ACSBG2: variants seen among roughly 807,000 people sequenced by gnomAD.
ACSBG2 encodes long-chain-fatty-acid--CoA ligase ACSBG2.
ACSBG2 carries 62 observed loss-of-function variants against 74.7 expected under a neutral mutation model. The ratio of observed to expected loss-of-function variants is 0.83; its 90% CI spans 0.68 to 1.03. ACSBG2 has a LOEUF of 1.03. ACSBG2 is among the 50% of genes least tolerant of loss of function. ACSBG2 has a pLI of 0.00. For missense variants in ACSBG2, 730 were observed against 817.6 expected (o/e 0.89, Z 1.31); for synonymous variants, 309 against 294.1 (o/e 1.05, Z -0.52).
chr19:6,145,659 G>A lies in ACSBG2; in HGVS notation c.68-1787G>A, dbSNP rs113883354. Among the ~76,000 whole-genome samples, 658 of 152,248 alleles carry A rather than the reference G, an allele frequency of 4.3e-3. 4 individuals carry two copies. The highest frequency in any genetic ancestry group is 8.3e-3 in the Non-Finnish European group (564 of 68,022). On this transcript the variant is annotated intron_variant, in intron 2 of 14. Transcript: ENST00000588485. Reference sequence around the variant, plus strand: ...CACAACAAACCAACAACTGTCTCCAGAGGAAACCCTGTTCTCTTCTTTCTC... The same window carrying A: ...CACAACAAACCAACAACTGTCTCCAAAGGAAACCCTGTTCTCTTCTTTCTC...
intron 2 of ACSBG2, among the ~76,000 whole-genome samples, chr19:6,146,480 A>AATG (rs1488292665): frequency 1.4e-5 from 2 of 141,070 alleles, no homozygotes; most frequent in Non-Finnish European, 3.1e-5. Context: ...AAAAAATAAT[A>AATG]ATAGGCCAGG....
intron 10 of ACSBG2, among the ~76,000 whole-genome samples, chr19:6,184,968 G>A (rs2090366997): frequency 1.3e-5 from 2 of 151,394 alleles, no homozygotes; most frequent in African/African-American, 4.9e-5. Flanking sequence ...TGTCGCCCAG[G>A]CTGGAGTACA....
intron 5 of ACSBG2, among the ~76,000 whole-genome samples, chr19:6,158,304 G>A (rs557353363): frequency 3.1e-4 from 47 of 152,056 alleles, no homozygotes; most frequent in African/African-American, 1.1e-3. Flanking sequence ...TGATCTGCCC[G>A]CCTCGGTCTC....
chr19:6,142,430 G>A (rs569911815), intron 2 of ACSBG2, among the ~76,000 whole-genome samples: 217 of 152,078 alleles, frequency 1.4e-3, no homozygotes, highest in Admixed American at 5.3e-3. Flanking sequence ...TGACACCATC[G>A]AGAGTGAATT....
chr19:6,144,195 G>A (rs1053506806), intron 2 of ACSBG2, among the ~76,000 whole-genome samples: 6 of 152,056 alleles, frequency 3.9e-5, no homozygotes, highest in African/African-American at 1.2e-4. Flanking sequence ...ACAGGGTTTC[G>A]CCATGTTAGC....
At chr19:6,170,762 G>A (rs922933190) in intron 7 of ACSBG2, among the ~76,000 whole-genome samples, 4 of 152,096 alleles carry the variant, frequency 2.6e-5, no homozygotes, top group African/African-American at 9.7e-5. Flanking sequence ...AGGTCCATTT[G>A]GTCAACTGTC....
rs1284978364 is a variant in ACSBG2 at position 6,151,755 on chromosome 19, G to A, written c.346G>A (p.Ala116Thr). The change falls in exon 4 of 15, where the codon GCA becomes ACA. Residue 116 changes from alanine (A) to threonine (T), a missense_variant. Transcript: ENST00000588485. ...AGTTGGTATCCTGGGGTTTAACTCTGCAGAGTGGTTTATCACTGCTGTTGG... is the reference window on the plus strand; with the variant it reads ...AGTTGGTATCCTGGGGTTTAACTCTACAGAGTGGTTTATCACTGCTGTTGG... The part of the protein sequence containing the change: ...HGVGILGFNS[A>T]EWFITAVGAI... 6.2e-7 allele frequency: 1 copy of A among 1,603,352 alleles called. No homozygotes were observed. Among genetic ancestry groups the A allele is most frequent in the Admixed American group, 1.7e-5 (1 of 58,044 alleles).
intron 1 of ACSBG2, among the ~76,000 whole-genome samples, chr19:6,138,602 G>GAGGAGGGA (rs2088680416): frequency 1.0e-5 from 1 of 96,206 alleles, no homozygotes; most frequent in African/African-American, 4.4e-5. Flanking sequence ...AAGAGAGAGG[G>GAGGAGGGA]AGGAAGGAAG....
chr19:6,161,393 G>T, intron 6 of ACSBG2, 98 bp downstream of exon 6: 1 of 1,165,512 alleles, frequency 8.6e-7, no homozygotes, highest in African/African-American at 1.6e-5. Flanking sequence ...GGAGGAGGTC[G>T]GACCTGGCAA....
At chr19:6,188,580 A>G (rs559582982) in intron 13 of ACSBG2, among the ~76,000 whole-genome samples, 6 of 152,326 alleles carry the variant, frequency 3.9e-5, no homozygotes, top group Admixed American at 1.3e-4. Flanking sequence ...GTGAGCCACA[A>G]TCATGCCAGT....
rs1247715643 is a variant in ACSBG2, at chr19:6,183,120, C to T, written c.1170C>T (p.His390=). 6.2e-7 allele frequency: 1 copy of T among 1,614,240 alleles called. No individual in the cohort carries two copies. Among genetic ancestry groups the T allele is most frequent in the Non-Finnish European group, 8.5e-7 (1 of 1,180,044 alleles). The change falls in exon 10 of 15, where the codon CAC becomes CAT. Residue 390 remains histidine, a synonymous_variant. Coordinates refer to ENST00000588485, the MANE Select transcript of ACSBG2 (RefSeq NM_030924.5). Reference sequence around the variant, plus strand: ...TCAAGACATCCCTTGGCTTGGATCACTGTCACTCTTTTATCAGTGGGACTG... The same window carrying T: ...TCAAGACATCCCTTGGCTTGGATCATTGTCACTCTTTTATCAGTGGGACTG... ...SKVKTSLGLD[H]CHSFISGTAP...
intron 3 of ACSBG2, among the ~76,000 whole-genome samples, chr19:6,148,671 T>C (rs1248640009): frequency 6.6e-6 from 1 of 150,876 alleles, no homozygotes; most frequent in Non-Finnish European, 1.5e-5. Context: ...AAGAGAACCA[T>C]GTGCTTGGGC....
chr19:6,140,628 C>T (rs1314384717), intron 1 of ACSBG2, among the ~76,000 whole-genome samples: 4 of 152,018 alleles, frequency 2.6e-5, no homozygotes, highest in South Asian at 2.1e-4. Flanking sequence ...TGCAGTGAGC[C>T]GAGATTGTGT....
chr19:6,189,478 C>G (rs1431105087), intron 13 of ACSBG2, among the ~76,000 whole-genome samples: 3 of 151,962 alleles, frequency 2.0e-5, no homozygotes, highest in Admixed American at 6.6e-5. Flanking sequence ...AACCTGGGTT[C>G]AAATCCTGTC....
Position 6,177,317 on chromosome 19 carries a change from T to C in ACSBG2, c.827T>C (p.Ile276Thr), listed in dbSNP as rs750622613. The change falls in exon 8 of 15, where the codon ATT becomes ACT. Residue 276 changes from isoleucine (I) to threonine (T), a missense_variant. By Grantham distance (89) the Ile-to-Thr change is moderately conservative (BLOSUM62 -1). Coordinates refer to ENST00000588485, the MANE Select transcript of ACSBG2 (RefSeq NM_030924.5). ...GTTAGCTACCTCCCACTCAGCCATA[T>C]TGCAGCACAGATGATGGACATCTGG... The part of the protein sequence containing the change: ...TVVSYLPLSH[I>T]AAQMMDIWVP... 13 of 1,613,904 alleles carry C rather than the reference T, an allele frequency of 8.1e-6. No homozygotes were observed. Among genetic ancestry groups the C allele is most frequent in the Middle Eastern group, 1.7e-4 (1 of 6,060 alleles).
At chr19:6,164,467 C>T (rs931840423) in intron 6 of ACSBG2, among the ~76,000 whole-genome samples, 4 of 145,668 alleles carry the variant, frequency 2.7e-5, no homozygotes, top group African/African-American at 7.8e-5. Flanking sequence ...GAGTTTCACT[C>T]TGTTGCCCAG....
At chr19:6,149,317 CT>C (rs1455864511) in intron 3 of ACSBG2, among the ~76,000 whole-genome samples, 2 of 152,036 alleles carry the variant, frequency 1.3e-5, no homozygotes, top group Non-Finnish European at 2.9e-5. Flanking sequence ...CAAATGGTTC[CT>C]TTTCCCCCAA....
Position 6,156,552 on chromosome 19 carries a change from G to A in ACSBG2, c.507+1G>A, listed in dbSNP as rs113716834. 6.4e-7 allele frequency: 1 copy of A among 1,569,934 alleles called. No individual in the cohort carries two copies. Among genetic ancestry groups the A allele is most frequent in the Non-Finnish European group, 8.7e-7 (1 of 1,155,568 alleles). ...TCAACAGTTACAGAAAATCCTTTCG[G>A]TAAACCCCTACCCAGCACTGCCTGC... On this transcript the variant is annotated splice_donor_variant, in intron 5 of 14. Coordinates refer to ENST00000588485, the MANE Select transcript of ACSBG2 (RefSeq NM_030924.5). LOFTEE classifies it high-confidence loss of function.
At chr19:6,187,917 G>C in intron 13 of ACSBG2, 72 bp downstream of exon 13, 1 of 1,565,874 alleles carries the variant, frequency 6.4e-7, no homozygotes, top group South Asian at 1.2e-5. Context: ...GAAGAGACAG[G>C]TCCTTTTCTG....
Sources: allele counts gnomAD v4.1 joint callset (sites outside exome capture counted in the v4.1 genomes callset), GRCh38; gene constraint gnomAD v4.1.1; transcripts MANE v1.5; gene names NCBI Gene and HGNC (gene_info 2026-07-23, HGNC 2026-07-21).